ATP10B: variants seen among roughly 807,000 people sequenced by gnomAD.
ATP10B encodes the protein phospholipid-transporting ATPase VB.
Under a neutral mutation model 141.2 loss-of-function variants are expected in ATP10B, and 122 were observed. The ratio of observed to expected loss-of-function variants is 0.86; its 90% CI spans 0.75 to 1.00. The LOEUF (loss-of-function observed/expected upper bound fraction) is 1.00, where lower values mean the gene tolerates loss of function less well. Ranked by LOEUF, ATP10B falls within the 50% of genes least tolerant of loss-of-function variation. The pLI is 0.00. For synonymous variants in ATP10B, 685 were observed against 692.0 expected, an observed-to-expected ratio of 0.99 and a Z score of 0.16; for missense variants, 1,876 against 1,825.3, an observed-to-expected ratio of 1.03 and a Z score of -0.51.
intron 2 of ATP10B, among the ~76,000 whole-genome samples, chr5:160,754,104 G>T (rs1768348419): frequency 1.3e-5 from 2 of 152,194 alleles, no homozygotes; most frequent in South Asian, 4.1e-4. Context: ...TATAAAGTTT[G>T]TGGTAATTTC....
chr5:160,709,155 G>A (rs572875594), intron 3 of ATP10B, among the ~76,000 whole-genome samples: 2 of 152,296 alleles, frequency 1.3e-5, no homozygotes, highest in Admixed American at 6.5e-5. Flanking sequence ...TTGAGGGATA[G>A]GGTGAGGATT....
At chr5:160,812,340 A>G (rs927760332) in intron 1 of ATP10B, among the ~76,000 whole-genome samples, 2 of 152,200 alleles carry the variant, frequency 1.3e-5, no homozygotes, top group African/African-American at 4.8e-5. Flanking sequence ...ATACTTAACT[A>G]TTTAATTAAG....
At chr5:160,796,889 T>C (rs1182823141) in intron 1 of ATP10B, among the ~76,000 whole-genome samples, 1 of 152,148 alleles carries the variant, frequency 6.6e-6, no homozygotes, top group Non-Finnish European at 1.5e-5. Flanking sequence ...GAGAAACAAA[T>C]TGAGTGCAGT....
intron 1 of ATP10B, among the ~76,000 whole-genome samples, chr5:160,808,688 A>G (rs1039596741): frequency 6.6e-6 from 1 of 152,298 alleles, no homozygotes; most frequent in African/African-American, 2.4e-5. Context: ...AGCCATTTAC[A>G]GGAAGATTTT....
chr5:160,859,604 A>C, the ATP10B span, among the ~76,000 whole-genome samples: 1 of 151,452 alleles, frequency 6.6e-6, no homozygotes, highest in Admixed American at 6.6e-5. Flanking sequence ...GCTCTTTGGC[A>C]CTCTACTATT....
intron 18 of ATP10B, among the ~76,000 whole-genome samples, chr5:160,610,090 G>T (rs1225881525): frequency 6.6e-6 from 1 of 152,110 alleles, no homozygotes. Flanking sequence ...TGGTATTCAT[G>T]CCCTTGTGTA....
At chr5:160,903,817 C>A in the ATP10B span, among the ~76,000 whole-genome samples, 1 of 152,186 alleles carries the variant, frequency 6.6e-6, no homozygotes, top group Non-Finnish European at 1.5e-5. Flanking sequence ...GTGTGCAGAG[C>A]AGCTGTAAAC....
intron 1 of ATP10B, among the ~76,000 whole-genome samples, chr5:160,814,367 C>A (rs1279672537): frequency 6.6e-6 from 1 of 152,040 alleles, no homozygotes; most frequent in South Asian, 2.1e-4. Context: ...ATTCGATCAA[C>A]TGGAAGAAAG....
intron 22 of ATP10B, among the ~76,000 whole-genome samples, chr5:160,595,061 T>C (rs1210050267): frequency 2.1e-5 from 2 of 97,456 alleles, no homozygotes; most frequent in Non-Finnish European, 4.3e-5. Context: ...CATCTACAGG[T>C]CTCTCCACTC....
In ATP10B at chr5:160,640,797, A is replaced by G. The variant is rs970788013; in HGVS notation, c.869-205T>C. ...CAGGCACTCAGTGAGCATCCCCTTC[A>G]TGCATGCCAGACACTGTGGTGGGCA... is the stretch of plus-strand genomic sequence containing the variant. On this transcript the variant is annotated intron_variant, in intron 9 of 25. Coordinates refer to ENST00000327245, the MANE Select transcript of ATP10B (RefSeq NM_025153.3). Among the ~76,000 whole-genome samples, 3 of 152,176 alleles carry G rather than the reference A, an allele frequency of 2.0e-5. No individual in the cohort carries two copies. The East Asian group carries it at 5.8e-4, about 29-fold the overall frequency.
intron 13 of ATP10B, among the ~76,000 whole-genome samples, chr5:160,623,788 G>A (rs1758477132): frequency 6.6e-6 from 1 of 152,204 alleles, no homozygotes; most frequent in Non-Finnish European, 1.5e-5. Flanking sequence ...GGTGGTGGTG[G>A]CAATGGCAGT....
intron 1 of ATP10B, among the ~76,000 whole-genome samples, chr5:160,790,214 A>T (rs542293657): frequency 1.2e-4 from 18 of 152,120 alleles, no homozygotes; most frequent in Non-Finnish European, 2.1e-4. Context: ...TCTCTCTGAA[A>T]TTACTGCCTT....
At chr5:160,754,459 A>G (rs1248272225) in intron 2 of ATP10B, among the ~76,000 whole-genome samples, 1 of 152,198 alleles carries the variant, frequency 6.6e-6, no homozygotes, top group East Asian at 1.9e-4. Flanking sequence ...ATGTGAAATG[A>G]GACTCAAGGA....
At chr5:160,608,557 G>C (rs937187916) in intron 18 of ATP10B, among the ~76,000 whole-genome samples, 6 of 152,148 alleles carry the variant, frequency 3.9e-5, no homozygotes, top group African/African-American at 1.4e-4. Context: ...TAGTGTAAAA[G>C]CATTCCAAAT....
At chr5:160,586,681 A>G (rs1388329545) in intron 24 of ATP10B, among the ~76,000 whole-genome samples, 2 of 152,246 alleles carry the variant, frequency 1.3e-5, no homozygotes, top group Admixed American at 6.5e-5. Context: ...CTGGCGTGAG[A>G]TGGTATCTCA....
At chr5:160,895,904 C>T in the ATP10B span, among the ~76,000 whole-genome samples, 10 of 152,126 alleles carry the variant, frequency 6.6e-5, no homozygotes, top group Non-Finnish European at 1.2e-4. Flanking sequence ...TCCCTCAAAA[C>T]CACACAACAA....
chr5:160,765,112 G>C (rs958549859), intron 2 of ATP10B, among the ~76,000 whole-genome samples: 1 of 152,098 alleles, frequency 6.6e-6, no homozygotes. Context: ...ATTCATGAAT[G>C]GGTAGAATCA....
chr5:160,622,295 T>C lies in ATP10B; in HGVS notation c.1812+99A>G, dbSNP rs1758388622. 4.7e-6 allele frequency: 6 copies of C among 1,281,204 alleles called. No individual in the cohort carries two copies. The East Asian group carries it at 1.6e-4, about 34-fold the overall frequency. 79.4% of individuals were successfully genotyped at this position (1,281,204 alleles called of 1,614,324 possible). ...ATGACACTGTTGCTAGGACCCAAAT[T>C]TCATGTCTCCCTGATCAGAACTTCT... On this transcript the variant is annotated intron_variant, in intron 14 of 25. Coordinates refer to ENST00000327245, the MANE Select transcript of ATP10B (RefSeq NM_025153.3).
At chr5:160,784,149 C>T (rs532143949) in intron 2 of ATP10B, among the ~76,000 whole-genome samples, 1 of 152,228 alleles carries the variant, frequency 6.6e-6, no homozygotes, top group African/African-American at 2.4e-5. Flanking sequence ...TTCTGAAACT[C>T]TTGGATTATT....
Sources: allele counts gnomAD v4.1 joint callset (sites outside exome capture counted in the v4.1 genomes callset), GRCh38; gene constraint gnomAD v4.1.1; transcripts MANE v1.5; gene names NCBI Gene and HGNC (gene_info 2026-07-23, HGNC 2026-07-21).